NCOA4: variants seen among roughly 807,000 people sequenced by gnomAD.
The protein encoded by NCOA4 is 70 kDa AR-activator.
In NCOA4, 31 loss-of-function variants were observed where a neutral mutation model predicts 69.5. The ratio of observed to expected loss-of-function variants is 0.45; its 90% CI spans 0.34 to 0.60. NCOA4 has a LOEUF of 0.60. Ranked by LOEUF, NCOA4 falls within the 20% of genes least tolerant of loss-of-function variation. The pLI is 0.02. For missense variants in NCOA4, 600 were observed against 719.2 expected (o/e 0.83, Z 1.90); for synonymous variants, 228 against 252.4 (o/e 0.90, Z 0.92).
At chr10:46,019,217 C>T (rs1839730455) in intron 1 of NCOA4, 1 of 577,710 alleles carries the variant, frequency 1.7e-6, no homozygotes, top group Admixed American at 6.3e-5. Flanking sequence ...CTGGACACAC[C>T]AACAGTGGTT....
rs1223135721 is a variant in NCOA4, at chr10:46,011,011, A to G, written c.910T>C (p.Trp304Arg). 1.2e-6 allele frequency: 2 copies of G among 1,613,858 alleles called. No homozygotes were observed. Among genetic ancestry groups the G allele is most frequent in the Admixed American group, 3.3e-5 (2 of 59,988 alleles). The change falls in exon 8 of 10, where the codon TGG (tryptophan) becomes CGG (arginine). Residue 304 changes from tryptophan (W) to arginine (R), a missense_variant. Physicochemically the swap from Trp to Arg is moderately radical, Grantham distance 101 (BLOSUM62 -3). Coordinates refer to ENST00000581486, the MANE Select transcript of NCOA4 (RefSeq NM_001145263.2). ...PDQDEMDLSDWLVTPQESHKL... is the reference protein window; with the variant it reads ...PDQDEMDLSDRLVTPQESHKL... ...TGGGATTCCTGGGGAGTCACTAGCC[A>G]ATCTGATAGGTCCATCTCATCTTGA...
At chr10:46,023,509 G>A in intron 1 of NCOA4, 2 of 985,564 alleles carry the variant, frequency 2.0e-6, no homozygotes, top group South Asian at 4.7e-5. Context: ...GGGGAGGAGC[G>A]GAAAACTCCG....
At chr10:46,013,384 T>C (rs1477532557) in intron 6 of NCOA4, among the ~76,000 whole-genome samples, 166 bp downstream of exon 6, 1 of 152,212 alleles carries the variant, frequency 6.6e-6, no homozygotes, top group Admixed American at 6.5e-5. Context: ...GACATCTAAA[T>C]TTCTATTTGG....
At chr10:46,012,596 T>C (rs568814338) in intron 7 of NCOA4, among the ~76,000 whole-genome samples, 2 of 152,224 alleles carry the variant, frequency 1.3e-5, no homozygotes, top group Admixed American at 6.5e-5. Context: ...TATGTATGTA[T>C]AGAAAACTGA....
chr10:46,006,493 T>C lies in NCOA4; in HGVS notation c.*99A>G. 1 of 1,366,246 alleles carries C rather than the reference T, an allele frequency of 7.3e-7. No individual in the cohort carries two copies. The highest frequency in any genetic ancestry group is 1.0e-6 in the Non-Finnish European group (1 of 956,004). 84.6% of individuals were successfully genotyped at this position (1,366,246 alleles called of 1,614,324 possible). On this transcript the variant is annotated 3_prime_UTR_variant, in exon 10 of 10. Transcript: ENST00000581486. ...TAGGCAGGAGAAGAACTAAGCTAAT[T>C]GGTCAGACCCAGAAACACAAAGATT...
At chr10:46,017,761 A>C (rs934875897) in intron 1 of NCOA4, among the ~76,000 whole-genome samples, 4 of 152,218 alleles carry the variant, frequency 2.6e-5, no homozygotes, top group Admixed American at 1.3e-4. Context: ...AAGGAAACAC[A>C]AATGGGAAGA....
rs544769827 is a variant in NCOA4, at chr10:46,022,770, G to A, written c.-14-6076C>T. ...GTGAGCCACCGCGCCCGGCCTAAAG[G>A]TTGTTTTTTATACAACTCATTAACT... On this transcript the variant is annotated intron_variant, in intron 1 of 9. Coordinates refer to ENST00000581486, the MANE Select transcript of NCOA4 (RefSeq NM_001145263.2). 4.6e-5 allele frequency among the ~76,000 whole-genome samples: 7 copies of A among 152,140 alleles called. No homozygotes were observed. In the East Asian group the frequency reaches 1.4e-3, roughly 29 times the overall value.
intron 2 of NCOA4, 149 bp downstream of exon 2, chr10:46,016,391 T>C (rs1170414396): frequency 1.2e-5 from 7 of 570,594 alleles, no homozygotes; most frequent in Non-Finnish European, 1.7e-5. Flanking sequence ...AAGGCACCAG[T>C]ATATCAGGCA....
intron 1 of NCOA4, among the ~76,000 whole-genome samples, chr10:46,025,586 T>C (rs1449186808): frequency 6.6e-6 from 1 of 152,186 alleles, no homozygotes; most frequent in Non-Finnish European, 1.5e-5. Flanking sequence ...GATAGTTTGG[T>C]TTATCTTGTG....
At chr10:46,027,977 A>C (rs993595934) in intron 1 of NCOA4, among the ~76,000 whole-genome samples, 3 of 152,220 alleles carry the variant, frequency 2.0e-5, no homozygotes, top group Non-Finnish European at 2.9e-5. Context: ...ATAACAAAGA[A>C]AGACATAAAG....
chr10:46,010,689 G>A lies in NCOA4; in HGVS notation c.1232C>T (p.Thr411Ile), dbSNP rs782736747. 8 of 1,614,056 alleles carry A rather than the reference G, an allele frequency of 5.0e-6. No homozygotes were observed. The South Asian group carries it at 5.5e-5, about 11-fold the overall frequency. ...ATCACACACACACTCTGCAAAGCTT[G>A]TGCAGGGCTCATTGGCTCTGCACAC... is the stretch of plus-strand genomic sequence containing the variant. ...EEVCRANEPC[T>I]SFAECVCDEN... Residue 411 changes from threonine to isoleucine, a missense_variant, in exon 8 of 10, where the codon ACA becomes ATA. Thr to Ile is a moderately conservative substitution (Grantham distance 89). Transcript: ENST00000581486.
chr10:46,014,559 A>G lies in NCOA4; in HGVS notation c.372-7T>C, dbSNP rs544179473. On this transcript the variant is annotated splice_polypyrimidine_tract_variant and splice_region_variant and intron_variant, in intron 4 of 9. Transcript: ENST00000581486. ...AAGGGTCAAACTGCCCAGTCTGGGG[A>G]AAAAAAAACAAAATTGGCTATTTTT... The G allele has an allele frequency of 1.1e-4, 175 of 1,562,766 alleles. 2 individuals are homozygous for G. Among genetic ancestry groups the G allele is most frequent in the South Asian group, 1.0e-3 (87 of 85,528 alleles).
chr10:46,017,195 CTTTTT>C (rs566667687), intron 1 of NCOA4, among the ~76,000 whole-genome samples: 1 of 149,712 alleles, frequency 6.7e-6, no homozygotes, highest in African/African-American at 2.5e-5. Context: ...TTAGGTAGAA[CTTTTT>C]TTTTTATTTA....
chr10:46,010,126 C>G (rs1201879152), intron 8 of NCOA4, 97 bp downstream of exon 8: 28 of 1,418,546 alleles, frequency 2.0e-5, no homozygotes, highest in East Asian at 4.8e-5. Flanking sequence ...TGAGATCGCA[C>G]CACTGCACTC....
intron 9 of NCOA4, among the ~76,000 whole-genome samples, chr10:46,006,985 T>A (rs1291598840): frequency 6.6e-6 from 1 of 152,176 alleles, no homozygotes; most frequent in African/African-American, 2.4e-5. Flanking sequence ...AGCGAGAAAG[T>A]CATGTTGAAG....
At chr10:46,016,052 C>G (rs1348772006) in intron 2 of NCOA4, among the ~76,000 whole-genome samples, 1 of 152,158 alleles carries the variant, frequency 6.6e-6, no homozygotes, top group Non-Finnish European at 1.5e-5. Context: ...GTCTAACACA[C>G]ACAACAACAA....
chr10:46,018,606 C>T (rs1213881293), intron 1 of NCOA4, among the ~76,000 whole-genome samples: 3 of 152,120 alleles, frequency 2.0e-5, no homozygotes. Context: ...GCTGTTTAGC[C>T]TAGATAAGAG....
At chr10:46,012,809 A>G in intron 7 of NCOA4, 74 bp downstream of exon 7, 1 of 1,475,282 alleles carries the variant, frequency 6.8e-7, no homozygotes, top group Non-Finnish European at 9.1e-7. Flanking sequence ...ACAATGACAC[A>G]TAGTACTACT....
intron 7 of NCOA4, 83 bp from the exon 8 acceptor site, chr10:46,011,289 A>G (rs1271788389): frequency 1.4e-6 from 2 of 1,383,776 alleles, no homozygotes; most frequent in East Asian, 4.6e-5. Context: ...TCTTTTTTTG[A>G]GACAGTCTCA....
Sources: allele counts gnomAD v4.1 joint callset (sites outside exome capture counted in the v4.1 genomes callset), GRCh38; gene constraint gnomAD v4.1.1; transcripts MANE v1.5; gene names NCBI Gene and HGNC (gene_info 2026-07-23, HGNC 2026-07-21).